Variants in VPS72 observed in about 807,000 individuals in gnomAD.
VPS72 encodes the protein vacuolar protein sorting-associated protein 72 homolog.
A neutral mutation model predicts 38.9 loss-of-function variants in VPS72; 27 were observed. The observed-to-expected ratio is 0.69, with a 90% CI of 0.51 to 0.96. VPS72 has a LOEUF of 0.96. VPS72 is among the 40% of genes least tolerant of loss of function. VPS72 has a pLI of 0.00. For missense variants in VPS72, 360 were observed against 479.5 expected (o/e 0.75, Z 2.33); for synonymous variants, 173 against 186.3 (o/e 0.93, Z 0.58).
rs975475864 is a variant in VPS72, at chr1:151,185,493, C to T, written c.385+13G>A. On this transcript the variant is annotated intron_variant, in intron 3 of 5. Coordinates refer to ENST00000368892, the MANE Select transcript of VPS72 (RefSeq NM_005997.3). ...TTCCAATTTTGCCAATTGACCCTAACATCCCTACTCACTGTCAGAGCCGTC... is the reference window on the plus strand; with the variant it reads ...TTCCAATTTTGCCAATTGACCCTAATATCCCTACTCACTGTCAGAGCCGTC... 1 of 1,612,940 alleles carries T rather than the reference C, an allele frequency of 6.2e-7. No individual in the cohort carries two copies. Among genetic ancestry groups the T allele is most frequent in the South Asian group, 1.1e-5 (1 of 91,040 alleles).
chr1:151,190,092 C>G lies in VPS72; in HGVS notation c.30G>C (p.Arg10=). The G allele has an allele frequency of 2.5e-6, 4 of 1,614,116 alleles. No individual in the cohort carries two copies. Among genetic ancestry groups the G allele is most frequent in the Non-Finnish European group, 3.4e-6 (4 of 1,180,024 alleles). Residue 10 remains arginine (R), a synonymous_variant, in exon 1 of 6, where the codon CGG becomes CGC. Coordinates refer to ENST00000368892, the MANE Select transcript of VPS72 (RefSeq NM_005997.3). MSLAGGRAP[R]KTAGNRLSGL... is the part of the protein sequence containing the mutation. ...CAGAAAGCCGGTTCCCAGCGGTCTT[C>G]CGGGGTGCCCGGCCCCCAGCCAAAC...
rs760581007 is a variant in VPS72 at position 151,176,801 on chromosome 1, G to A, written c.938C>T (p.Ala313Val). ...DPVTDIPYAT[A>V]RAFKIIREAY... ...CTCACGAATGATCTTGAAGGCTCGA[G>A]CAGTGGCATAGGGTATGTCTGTAAC... The change falls in exon 6 of 6, where the codon GCT (alanine) becomes GTT (valine). Residue 313 changes from alanine (A) to valine (V), a missense_variant. Ala to Val is a moderately conservative substitution (Grantham distance 64, BLOSUM62 0). Transcript: ENST00000368892. 2.5e-6 allele frequency: 4 copies of A among 1,614,202 alleles called. No homozygotes were observed. The South Asian group carries it at 3.3e-5, about 13-fold the overall frequency.
chr1:151,177,734 T>C (rs1684147608), intron 5 of VPS72, among the ~76,000 whole-genome samples: 1 of 151,814 alleles, frequency 6.6e-6, no homozygotes, highest in Non-Finnish European at 1.5e-5. Flanking sequence ...TCCCAGCTAC[T>C]TGGGAGGCTA....
intron 1 of VPS72, 100 bp from the exon 2 acceptor site, chr1:151,186,050 C>T (rs1478169712): frequency 1.8e-5 from 26 of 1,425,902 alleles, no homozygotes; most frequent in Non-Finnish European, 2.3e-5. Context: ...GGCTGCCCTA[C>T]TCTCCTTCCT....
At chr1:151,183,951 T>G (rs1323678223) in intron 4 of VPS72, among the ~76,000 whole-genome samples, 3 of 152,132 alleles carry the variant, frequency 2.0e-5, no homozygotes, top group Non-Finnish European at 4.4e-5. Context: ...TATGAACTCC[T>G]GGCCTCAAGT....
At position 151,186,203 on chromosome 1, in the gene VPS72, G is replaced by T. The variant is rs587645841; in HGVS notation, c.118-253C>A. Among the ~76,000 whole-genome samples the T allele has an allele frequency of 4.1e-4, 62 of 152,066 alleles. 1 individual carries two copies. The highest frequency in any genetic ancestry group is 1.3e-3 in the African/African-American group (52 of 41,492). ...ACTGGGGAACAAAAGGATATGGTTT[G>T]GTCTCTACCTTCAGGGGCTTACAGT... On this transcript the variant is annotated intron_variant, in intron 1 of 5. Coordinates refer to ENST00000368892, the MANE Select transcript of VPS72 (RefSeq NM_005997.3).
intron 2 of VPS72, 69 bp downstream of exon 2, chr1:151,185,729 G>A: frequency 6.2e-7 from 1 of 1,610,602 alleles, no homozygotes; most frequent in East Asian, 2.2e-5. Flanking sequence ...GGCATAGGGA[G>A]TACTGGGACC....
At chr1:151,180,417 C>G (rs1176126935) in intron 4 of VPS72, among the ~76,000 whole-genome samples, 1 of 151,810 alleles carries the variant, frequency 6.6e-6, no homozygotes, top group African/African-American at 2.4e-5. Context: ...TTGAGCCAGT[C>G]TTCCAACGCC....
chr1:151,189,869 G>C (rs1684427097), intron 1 of VPS72, 136 bp downstream of exon 1: 1 of 1,021,134 alleles, frequency 9.8e-7, no homozygotes, highest in Non-Finnish European at 1.5e-6. Flanking sequence ...CCCCGGCTCC[G>C]ATTCACCCAC....
intron 3 of VPS72, 71 bp from the exon 4 acceptor site, chr1:151,184,564 G>A: frequency 7.3e-7 from 1 of 1,361,346 alleles, no homozygotes; most frequent in Non-Finnish European, 9.7e-7. Flanking sequence ...ATTTTGAAAT[G>A]TTGTACTTGG....
At chr1:151,182,061 CTT>C (rs964146135) in intron 4 of VPS72, among the ~76,000 whole-genome samples, 83 of 152,006 alleles carry the variant, frequency 5.5e-4, no homozygotes, top group Non-Finnish European at 1.6e-4. Context: ...GAGTTTCACT[CTT>C]GTTACCCAGG....
At chr1:151,179,117 A>C (rs1684180188) in intron 4 of VPS72, among the ~76,000 whole-genome samples, 1 of 151,704 alleles carries the variant, frequency 6.6e-6, no homozygotes, top group East Asian at 1.9e-4. Flanking sequence ...CCCCGTCTCT[A>C]CTAAAAATAC....
intron 1 of VPS72, among the ~76,000 whole-genome samples, chr1:151,186,668 A>G (rs1471081420): frequency 6.6e-6 from 1 of 152,212 alleles, no homozygotes; most frequent in Non-Finnish European, 1.5e-5. Context: ...ATGAAATAGC[A>G]GAAACAAAGG....
intron 4 of VPS72, among the ~76,000 whole-genome samples, chr1:151,178,365 G>A (rs1684163411): frequency 6.6e-6 from 1 of 152,136 alleles, no homozygotes; most frequent in Non-Finnish European, 1.5e-5. Context: ...CATTTCTCAA[G>A]TACACCTGGG....
Position 151,189,862 on chromosome 1 carries a change from C to A in VPS72, c.117+143G>T, listed in dbSNP as rs185244255. On this transcript the variant is annotated intron_variant, in intron 1 of 5. Transcript: ENST00000368892. ...CTATCCGTTCCCCCGCCTCGCCCCC[C>A]GGCTCCGATTCACCCACCCAACTCG... 5.3e-6 allele frequency: 5 copies of A among 951,802 alleles called. No individual in the cohort carries two copies. In the African/African-American group the frequency reaches 6.5e-5, roughly 12 times the overall value. The allele number at this position is 951,802 out of a possible 1,614,324, so 59.0% of individuals were successfully genotyped here.
intron 5 of VPS72, among the ~76,000 whole-genome samples, chr1:151,177,758 G>A (rs936701334): frequency 4.0e-5 from 6 of 151,516 alleles, no homozygotes; most frequent in African/African-American, 9.7e-5. Context: ...TGGGAGGATC[G>A]CCTGAGCACA....
intron 4 of VPS72, among the ~76,000 whole-genome samples, chr1:151,183,174 C>G (rs1194775340): frequency 6.6e-6 from 1 of 152,028 alleles, no homozygotes; most frequent in Non-Finnish European, 1.5e-5. Context: ...GTAATCCCAG[C>G]ACTTTGGGAG....
Position 151,176,731 on chromosome 1 carries a change from G to T in VPS72, c.1008C>A (p.Ala336=). Reference sequence around the variant, plus strand: ...GTGGCGGGCCGGGGCCCAGGGCTGAGGCAGTGGGCGGCAGTCCATGGGCAG... The same window carrying T: ...GTGGCGGGCCGGGGCCCAGGGCTGATGCAGTGGGCGGCAGTCCATGGGCAG... ...YITAHGLPPT[A]SALGPGPPPP... is the part of the protein sequence containing the mutation. The change falls in exon 6 of 6, where the codon GCC becomes GCA. Residue 336 remains alanine, a synonymous_variant. Transcript: ENST00000368892. The T allele has an allele frequency of 6.2e-7, 1 of 1,614,226 alleles. No individual in the cohort carries two copies. The highest frequency in any genetic ancestry group is 8.5e-7 in the Non-Finnish European group (1 of 1,180,042).
At chr1:151,185,703 T>C in intron 2 of VPS72, 83 bp from the exon 3 acceptor site, 2 of 1,609,150 alleles carry the variant, frequency 1.2e-6, no homozygotes, top group Non-Finnish European at 8.5e-7. Context: ...AAACTAGCAT[T>C]GCCAGAAATG....
Sources: allele counts gnomAD v4.1 joint callset (sites outside exome capture counted in the v4.1 genomes callset), GRCh38; gene constraint gnomAD v4.1.1; transcripts MANE v1.5; gene names NCBI Gene and HGNC (gene_info 2026-07-23, HGNC 2026-07-21).